The following NEDD4L variants were observed in gnomAD, a reference collection of about 807,000 sequenced individuals.
NEDD4L encodes E3 ubiquitin-protein ligase NEDD4-like.
A neutral mutation model predicts 148.9 loss-of-function variants in NEDD4L; 54 were observed. The observed-to-expected ratio is 0.36, with a 90% confidence interval of 0.29 to 0.45. NEDD4L has a LOEUF of 0.45. NEDD4L is among the 20% of genes least tolerant of loss of function. The pLI is 1.00. For missense variants in NEDD4L, 856 were observed against 1,233.8 expected (o/e 0.69, Z 4.59); for synonymous variants, 433 against 440.7 (o/e 0.98, Z 0.22).
chr18:58,371,004 G>T (rs1157023084), intron 23 of NEDD4L, among the ~76,000 whole-genome samples: 1 of 151,964 alleles, frequency 6.6e-6, no homozygotes, highest in African/African-American at 2.4e-5. Flanking sequence ...ATTTTACCTA[G>T]ACAGACCATT....
At chr18:58,149,561 T>TAAC (rs1568287048) in intron 1 of NEDD4L, 1 of 1,538,582 alleles carries the variant, frequency 6.5e-7, no homozygotes, top group Admixed American at 2.0e-5. Flanking sequence ...TTTGAGCAGG[T>TAAC]AACACTCGGT....
chr18:58,052,716 A>G (rs1009257614), intron 1 of NEDD4L, among the ~76,000 whole-genome samples: 3 of 151,578 alleles, frequency 2.0e-5, no homozygotes, highest in East Asian at 1.9e-4. Context: ...CTATAATCCT[A>G]GCACTTTGGG....
chr18:58,235,646 C>A (rs950738134), intron 2 of NEDD4L, among the ~76,000 whole-genome samples: 2 of 152,152 alleles, frequency 1.3e-5, no homozygotes, highest in Admixed American at 6.5e-5. Context: ...AGTTCCTGTG[C>A]TTGGCCAGAA....
chr18:58,112,910 G>T (rs79227801), intron 1 of NEDD4L, among the ~76,000 whole-genome samples: 4,628 of 152,300 alleles, frequency 0.03, 223 homozygotes, highest in African/African-American at 0.11. Flanking sequence ...ACGTGATTAG[G>T]TCCTGAGGGT....
chr18:58,186,770 T>G (rs1363402965), intron 2 of NEDD4L, among the ~76,000 whole-genome samples: 4 of 152,202 alleles, frequency 2.6e-5, no homozygotes, highest in Admixed American at 2.0e-4. Flanking sequence ...GACTCTCTTC[T>G]CATGCTCACT....
At chr18:58,212,449 G>C (rs1192734468) in intron 2 of NEDD4L, among the ~76,000 whole-genome samples, 1 of 151,658 alleles carries the variant, frequency 6.6e-6, no homozygotes, top group Non-Finnish European at 1.5e-5. Context: ...GTGTATGCAG[G>C]GGAACTCCCC....
In NEDD4L at chr18:58,386,024, C is replaced by G. The variant is rs1320272153; in HGVS notation, c.2487+438C>G. On this transcript the variant is annotated intron_variant, in intron 26 of 30. Transcript: ENST00000400345. The stretch of plus-strand genomic sequence containing the variant: ...TGGCCACCCCTCCCTCCCTGGATCA[C>G]TGCTGCCTGGGCTTGATTGATTGAT... Among the ~76,000 whole-genome samples, 3 of 150,964 alleles carry G rather than the reference C, an allele frequency of 2.0e-5. No homozygotes were observed. The East Asian group carries it at 5.8e-4, about 29-fold the overall frequency.
At chr18:58,361,960 A>G (rs1330762079) in intron 19 of NEDD4L, among the ~76,000 whole-genome samples, 1 of 152,192 alleles carries the variant, frequency 6.6e-6, no homozygotes, top group Non-Finnish European at 1.5e-5. Flanking sequence ...ACGTTGTTGG[A>G]AAGTTTTCAG....
chr18:58,136,540 A>G (rs762207751), intron 1 of NEDD4L, among the ~76,000 whole-genome samples: 25 of 152,342 alleles, frequency 1.6e-4, no homozygotes, highest in Middle Eastern at 3.4e-3. Flanking sequence ...CCCAGGAGCT[A>G]CTGACTGTGA....
intron 12 of NEDD4L, among the ~76,000 whole-genome samples, chr18:58,335,246 T>C (rs1398058180): frequency 6.6e-6 from 1 of 152,174 alleles, no homozygotes. Context: ...TCTTTTGAGG[T>C]TGTCATTGTT....
At chr18:58,182,456 T>C (rs1001306783) in intron 2 of NEDD4L, among the ~76,000 whole-genome samples, 13 of 151,470 alleles carry the variant, frequency 8.6e-5, no homozygotes, top group African/African-American at 2.7e-4. Flanking sequence ...ATTTATTCTC[T>C]GGGCTGTTAG....
At chr18:58,249,608 G>T (rs2047661351) in intron 4 of NEDD4L, among the ~76,000 whole-genome samples, 1 of 152,168 alleles carries the variant, frequency 6.6e-6, no homozygotes, top group Non-Finnish European at 1.5e-5. Context: ...TTGAAAGAAA[G>T]GACTTTCTCT....
chr18:58,330,997 A>G, intron 11 of NEDD4L, 83 bp downstream of exon 11: 1 of 1,412,700 alleles, frequency 7.1e-7, no homozygotes, highest in South Asian at 1.2e-5. Context: ...TTACGTAAAT[A>G]GTGACCAAGG....
chr18:58,332,665 A>G (rs1007237254), intron 11 of NEDD4L, among the ~76,000 whole-genome samples: 1 of 152,164 alleles, frequency 6.6e-6, no homozygotes, highest in East Asian at 1.9e-4. Context: ...ATTCTTTCAC[A>G]GTAACCAATG....
At chr18:58,340,136 G>A (rs1232369747) in intron 13 of NEDD4L, among the ~76,000 whole-genome samples, 1 of 152,156 alleles carries the variant, frequency 6.6e-6, no homozygotes. Flanking sequence ...TACATGCATC[G>A]CCTATGCATT....
At chr18:58,324,799 T>G (rs1321653017) in intron 8 of NEDD4L, among the ~76,000 whole-genome samples, 197 bp from the exon 9 acceptor site, 1 of 152,212 alleles carries the variant, frequency 6.6e-6, no homozygotes, top group Non-Finnish European at 1.5e-5. Flanking sequence ...AGAAGATTTT[T>G]GAGGCCTTTC....
rs1247325099 is a variant in NEDD4L at position 58,256,417 on chromosome 18, C to G, written c.297+4363C>G. The G allele has an allele frequency of 8.1e-7, 1 of 1,232,228 alleles. No individual in the cohort carries two copies. Among genetic ancestry groups the G allele is most frequent in the African/African-American group, 1.6e-5 (1 of 64,448 alleles). The allele number at this position is 1,232,228 out of a possible 1,614,324, so 76.3% of individuals were successfully genotyped here. On this transcript the variant is annotated intron_variant, in intron 5 of 30. Coordinates refer to ENST00000400345, the MANE Select transcript of NEDD4L (RefSeq NM_001144967.3). This position sits in a 1 kb window ranked among gnomAD's most constrained non-coding sequence, Gnocchi z 5.2. ...AAGGCGCTTCGGGGCCAGGCAGCGACCTCAACTTTGGCTTCACGGGCACAA... is the reference window on the plus strand; with the variant it reads ...AAGGCGCTTCGGGGCCAGGCAGCGAGCTCAACTTTGGCTTCACGGGCACAA...
At chr18:58,391,893 G>A (rs747400106) in intron 30 of NEDD4L, among the ~76,000 whole-genome samples, 1 of 152,152 alleles carries the variant, frequency 6.6e-6, no homozygotes, top group African/African-American at 2.4e-5. Context: ...AAACACGTTG[G>A]GTTTTTACTC....
intron 1 of NEDD4L, among the ~76,000 whole-genome samples, chr18:58,101,060 C>T (rs2084725315): frequency 6.6e-6 from 1 of 152,200 alleles, no homozygotes; most frequent in Admixed American, 6.5e-5. Context: ...CCCTCCTTTG[C>T]CTTCCAAAGT....
Sources: gnomAD v4.1 joint callset for allele counts (sites outside exome capture counted in the v4.1 genomes callset) on GRCh38, gnomAD v4.1.1 for gene constraint, Gnocchi (gnomAD v3.1) non-coding constraint, MANE v1.5 for transcripts, NCBI Gene and HGNC (gene_info 2026-07-23, HGNC 2026-07-21) for gene names.